The following ANKRD11 variants were observed in gnomAD, a reference collection of about 807,000 sequenced individuals.
ANKRD11 encodes the protein ankyrin repeat domain-containing protein 11.
Under a neutral mutation model 195.7 loss-of-function variants are expected in ANKRD11, and 17 were observed. The observed-to-expected ratio is 0.09, with a 90% CI of 0.06 to 0.13. The LOEUF is 0.13. Among genes scored for constraint, ANKRD11 ranks in the 10% least tolerant of loss-of-function variants. The probability of loss-of-function intolerance (pLI) is 1.00; values close to 1 mark genes in which losing one functional copy is unlikely to be tolerated. For missense variants in ANKRD11, 3,735 were observed against 3,566.1 expected (o/e 1.05, Z -1.21); for synonymous variants, 1,953 against 1,528.1 (o/e 1.28, Z -6.49).
intron 2 of ANKRD11, among the ~76,000 whole-genome samples, chr16:89,349,463 G>C (rs902345177): frequency 6.6e-6 from 1 of 151,918 alleles, no homozygotes; most frequent in Non-Finnish European, 1.5e-5. Flanking sequence ...CTGGGCGACA[G>C]AGCGAGACTC....
At chr16:89,367,466 G>A (rs1054246774) in intron 2 of ANKRD11, among the ~76,000 whole-genome samples, 3 of 152,160 alleles carry the variant, frequency 2.0e-5, no homozygotes, top group African/African-American at 4.8e-5. Context: ...TCAGGGGAGC[G>A]ACGCTCTCAA....
intron 1 of ANKRD11, among the ~76,000 whole-genome samples, chr16:89,487,644 G>A (rs2057664847): frequency 6.6e-6 from 1 of 152,030 alleles, no homozygotes. Flanking sequence ...CGTGGCGGTG[G>A]GCGCCTGTAA....
At chr16:89,383,591 G>A (rs116196852) in intron 2 of ANKRD11, among the ~76,000 whole-genome samples, 3,218 of 152,268 alleles carry the variant, frequency 0.021, 126 homozygotes, top group African/African-American at 0.074. Flanking sequence ...GGCCAAAGCC[G>A]AAGAGCCTCC....
chr16:89,356,169 C>T (rs182384688), intron 2 of ANKRD11, among the ~76,000 whole-genome samples: 3 of 152,320 alleles, frequency 2.0e-5, no homozygotes, highest in South Asian at 2.1e-4. Context: ...TTAATTCTCA[C>T]GTTTCTGATC....
At chr16:89,286,549 G>GCTC in intron 7 of ANKRD11, 1 of 687,422 alleles carries the variant, frequency 1.5e-6, no homozygotes. Flanking sequence ...CCAACAGTGA[G>GCTC]CTCCTCAGCA....
intron 3 of ANKRD11, 66 bp downstream of exon 3, chr16:89,316,867 C>A (rs1327992712): frequency 1.3e-6 from 2 of 1,564,620 alleles, no homozygotes; most frequent in Non-Finnish European, 1.7e-6. Context: ...GCGGGCAGCA[C>A]CCCATTCCCA....
At chr16:89,421,668 T>A (rs1350617495) in intron 1 of ANKRD11, among the ~76,000 whole-genome samples, 1 of 118,892 alleles carries the variant, frequency 8.4e-6, no homozygotes, top group African/African-American at 3.7e-5. Context: ...GGTCGGTGTG[T>A]GATGACGGAG....
rs1431314755 is a variant in ANKRD11 at position 89,281,736 on chromosome 16, C to T, written c.4806G>A (p.Lys1602=). ...LEIEERHKRH[K]ERMKQMEKLR... The stretch of plus-strand genomic sequence containing the variant: ...GCTTCTCCATTTGCTTCATCCTCTC[C>T]TTGTGCCGCTTGTGGCGCTCCTCGA... Residue 1602 remains lysine, a synonymous_variant, in exon 9 of 13, where the codon AAG becomes AAA. Transcript: ENST00000301030. The surrounding 1 kb of genome is among the most constrained non-coding windows in gnomAD (Gnocchi z 5.5). The T allele has an allele frequency of 2.5e-6, 4 of 1,613,912 alleles. No individual in the cohort carries two copies. Among genetic ancestry groups the T allele is most frequent in the African/African-American group, 2.7e-5 (2 of 74,860 alleles).
At chr16:89,361,443 A>G (rs987818093) in intron 2 of ANKRD11, 6 of 152,224 alleles carry the variant, frequency 3.9e-5, no homozygotes, top group African/African-American at 1.4e-4. Flanking sequence ...TCATCATTCA[A>G]CTTTGAAACT....
intron 2 of ANKRD11, among the ~76,000 whole-genome samples, chr16:89,378,315 G>T (rs1314006551): frequency 6.6e-6 from 1 of 152,140 alleles, no homozygotes; most frequent in African/African-American, 2.4e-5. Flanking sequence ...GTTATATGTG[G>T]ACTTGACTGT....
chr16:89,407,139 C>T (rs369044860), intron 2 of ANKRD11, among the ~76,000 whole-genome samples: 5 of 151,894 alleles, frequency 3.3e-5, no homozygotes, highest in African/African-American at 9.7e-5. Flanking sequence ...TGAGTTGAGA[C>T]GTGCCACTGC....
chr16:89,426,765 A>C (rs2042734440), intron 1 of ANKRD11, among the ~76,000 whole-genome samples: 1 of 152,230 alleles, frequency 6.6e-6, no homozygotes, highest in Non-Finnish European at 1.5e-5. Flanking sequence ...TGTTGGCCTC[A>C]CCATTTTATG....
chr16:89,405,164 A>T (rs2041856098), intron 2 of ANKRD11, among the ~76,000 whole-genome samples: 1 of 152,098 alleles, frequency 6.6e-6, no homozygotes. Context: ...ATTGCACTCC[A>T]GCCTGGGCGA....
intron 2 of ANKRD11, chr16:89,361,446 T>G (rs565646424): frequency 1.3e-5 from 2 of 152,414 alleles, no homozygotes; most frequent in East Asian, 3.9e-4. Flanking sequence ...TCATTCAACT[T>G]TGAAACTTAG....
intron 4 of ANKRD11, among the ~76,000 whole-genome samples, chr16:89,295,828 G>C (rs1449178793): frequency 7.4e-6 from 1 of 134,572 alleles, no homozygotes; most frequent in Non-Finnish European, 1.6e-5. Context: ...GGTGGGATCG[G>C]AGGGGGGATG....
At chr16:89,273,690 C>T (rs1045361220) in intron 11 of ANKRD11, among the ~76,000 whole-genome samples, 14 of 148,568 alleles carry the variant, frequency 9.4e-5, no homozygotes, top group African/African-American at 3.6e-4. Flanking sequence ...AGCGAGACTC[C>T]GTCACAAAAA....
At chr16:89,373,829 T>C (rs1459357119) in intron 2 of ANKRD11, among the ~76,000 whole-genome samples, 1 of 152,184 alleles carries the variant, frequency 6.6e-6, no homozygotes, top group Non-Finnish European at 1.5e-5. Context: ...ACAAGATTGG[T>C]AGAACCTTAT....
chr16:89,314,964 C>G (rs1222643528), intron 3 of ANKRD11, among the ~76,000 whole-genome samples: 1 of 152,338 alleles, frequency 6.6e-6, no homozygotes, highest in East Asian at 1.9e-4. Context: ...ACCCAAATCT[C>G]TTTGTTCCTA....
intron 12 of ANKRD11, among the ~76,000 whole-genome samples, chr16:89,269,537 AACTCCGGTG>A (rs1450053461): frequency 6.6e-6 from 1 of 151,834 alleles, no homozygotes; most frequent in East Asian, 1.9e-4. Context: ...GGATGTTCCA[AACTCCGGTG>A]AGTCACTGAA....
Sources: gnomAD v4.1 joint callset for allele counts (sites outside exome capture counted in the v4.1 genomes callset) on GRCh38, gnomAD v4.1.1 for gene constraint, Gnocchi (gnomAD v3.1) non-coding constraint, MANE v1.5 for transcripts, NCBI Gene and HGNC (gene_info 2026-07-23, HGNC 2026-07-21) for gene names.